ADARB2: variants seen among roughly 807,000 people sequenced by gnomAD.
ADARB2 encodes inactive double-stranded RNA-specific editase B2.
A neutral mutation model predicts 62.2 loss-of-function variants in ADARB2; 25 were observed. The ratio of observed to expected loss-of-function variants is 0.40; its 90% CI spans 0.29 to 0.56. The LOEUF (loss-of-function observed/expected upper bound fraction) is 0.56. Ranked by LOEUF, ADARB2 falls within the 20% of genes least tolerant of loss-of-function variation. The pLI, the probability that ADARB2 is intolerant of heterozygous loss-of-function variation, is 0.43. For synonymous variants in ADARB2, 572 were observed against 500.8 expected (o/e 1.14, Z -1.90); for missense variants, 1,071 against 1,077.4 (o/e 0.99, Z 0.08).
Position 1,328,272 on chromosome 10 carries a change from G to A in ADARB2, c.1077+34756C>T, listed in dbSNP as rs142190914. On this transcript the variant is annotated intron_variant, in intron 3 of 9. Transcript: ENST00000381312. ...AGGAGGGATTCTGGAACCCCTGACT[G>A]TAGTCAACGAAGGGCAGCATCCAGG... 9.7e-3 allele frequency among the ~76,000 whole-genome samples: 1,479 copies of A among 152,350 alleles called. 23 individuals carry two copies. The highest frequency in any genetic ancestry group is 0.011 in the Non-Finnish European group (733 of 68,042).
chr10:1,538,603 CT>C (rs1832364489), intron 1 of ADARB2, among the ~76,000 whole-genome samples: 1 of 152,198 alleles, frequency 6.6e-6, no homozygotes, highest in African/African-American at 2.4e-5. Flanking sequence ...CCACAGGGCA[CT>C]TGGAGGATGG....
At chr10:1,475,117 C>G (rs984515561) in intron 1 of ADARB2, among the ~76,000 whole-genome samples, 1 of 152,274 alleles carries the variant, frequency 6.6e-6, no homozygotes, top group South Asian at 2.1e-4. Context: ...AACGCGGCGT[C>G]GTCAAGCTCA....
chr10:1,719,440 C>T (rs1835060413), intron 1 of ADARB2, among the ~76,000 whole-genome samples: 1 of 152,186 alleles, frequency 6.6e-6, no homozygotes, highest in Admixed American at 6.5e-5. Context: ...TATATGATAT[C>T]TATAGAATAA....
intron 3 of ADARB2, among the ~76,000 whole-genome samples, chr10:1,341,007 C>A (rs1329899797): frequency 0.01 from 821 of 81,874 alleles, no homozygotes; most frequent in Middle Eastern, 0.044. Flanking sequence ...CCAGAGAACC[C>A]TGTGCCCCAC....
At chr10:1,700,270 C>G (rs1834804338) in intron 1 of ADARB2, among the ~76,000 whole-genome samples, 1 of 17,552 alleles carries the variant, frequency 5.7e-5, no homozygotes, top group African/African-American at 1.6e-4. Flanking sequence ...CAATCCCACT[C>G]CACCGGGAGA....
intron 1 of ADARB2, among the ~76,000 whole-genome samples, chr10:1,576,952 G>GGCTGGC (rs1309726003): frequency 3.3e-5 from 5 of 152,176 alleles, no homozygotes; most frequent in African/African-American, 1.2e-4. Flanking sequence ...CTGGGGCTGG[G>GGCTGGC]TGACAGCGGG....
rs560281636 is a variant in ADARB2 at position 1,178,634 on chromosome 10, G to A, written c.*4559C>T. On this transcript the variant is annotated 3_prime_UTR_variant, in exon 10 of 10. Coordinates refer to ENST00000381312, the MANE Select transcript of ADARB2 (RefSeq NM_018702.4). The stretch of plus-strand genomic sequence containing the variant: ...TACCAAAAGACCCTAAAATACCAGC[G>A]AGGCGGGGGGTGGTCTGTCCCTGCT... The A allele has an allele frequency of 3.9e-4, 60 of 152,354 alleles. No homozygotes were observed. Among genetic ancestry groups the A allele is most frequent in the African/African-American group, 1.0e-3 (43 of 41,552 alleles). The allele number at this position is 152,354 out of a possible 1,614,324, so 9.4% of individuals were successfully genotyped here. A position where few individuals can be genotyped will look rare whatever the true frequency, so the allele number is the denominator to read the frequency against.
rs566496136 is a variant in ADARB2 at position 1,229,186 on chromosome 10, A to C, written c.1513+4508T>G. 1.4e-4 allele frequency among the ~76,000 whole-genome samples: 21 copies of C among 152,358 alleles called. 1 individual carries two copies. The South Asian group carries it at 3.1e-3, about 23-fold the overall frequency. On this transcript the variant is annotated intron_variant, in intron 6 of 9. Coordinates refer to ENST00000381312, the MANE Select transcript of ADARB2 (RefSeq NM_018702.4). ...TCCAGGAATGGGGAATTTATGATCT[A>C]GACAAATGTTTTTGAGGGGAAAAAT... is the stretch of plus-strand genomic sequence containing the variant.
At chr10:1,639,054 A>T (rs990243471) in intron 1 of ADARB2, among the ~76,000 whole-genome samples, 2 of 152,232 alleles carry the variant, frequency 1.3e-5, no homozygotes, top group Non-Finnish European at 2.9e-5. Flanking sequence ...GTGTTTGTGC[A>T]GTCAGGGTGG....
At position 1,669,824 on chromosome 10, in the gene ADARB2, T is replaced by A. The variant is rs534310168; in HGVS notation, c.100+67227A>T. Among the ~76,000 whole-genome samples, 525 of 118,034 alleles carry A rather than the reference T, an allele frequency of 4.4e-3. 4 individuals carry two copies. The highest frequency in any genetic ancestry group is 0.016 in the African/African-American group (483 of 30,958). 77.4% of individuals were successfully genotyped at this position (118,034 alleles called of 152,430 possible). A position where few individuals can be genotyped will look rare whatever the true frequency, so the allele number is the denominator to read the frequency against. ...CAGAGACAAACACAGACACATAGAC[T>A]CACAGACACACAAACAGACACACTC... On this transcript the variant is annotated intron_variant, in intron 1 of 9. Coordinates refer to ENST00000381312, the MANE Select transcript of ADARB2 (RefSeq NM_018702.4).
At chr10:1,245,954 A>G (rs567664540) in intron 4 of ADARB2, among the ~76,000 whole-genome samples, 1 of 151,792 alleles carries the variant, frequency 6.6e-6, no homozygotes, top group Non-Finnish European at 1.5e-5. Context: ...AGTCACACCA[A>G]CAGGGTAAAA....
At chr10:1,351,404 G>C (rs1300120038) in intron 3 of ADARB2, among the ~76,000 whole-genome samples, 1 of 151,540 alleles carries the variant, frequency 6.6e-6, no homozygotes, top group African/African-American at 2.4e-5. Flanking sequence ...TGACGGCCAG[G>C]CTTCTAAACC....
At chr10:1,281,655 A>G (rs374724073) in intron 3 of ADARB2, among the ~76,000 whole-genome samples, 51 of 152,300 alleles carry the variant, frequency 3.3e-4, no homozygotes, top group African/African-American at 1.1e-3. Context: ...AGAGTGCCCC[A>G]GCATCCTGCC....
In ADARB2 at chr10:1,320,571, A is replaced by G. The variant is rs112369606; in HGVS notation, c.1077+42457T>C. On this transcript the variant is annotated intron_variant, in intron 3 of 9. Coordinates refer to ENST00000381312, the MANE Select transcript of ADARB2 (RefSeq NM_018702.4). ...ATGGTGTATCAGATAGTTCTTAGTC[A>G]TAATATATACAAATTTAACAACTAT... is the stretch of plus-strand genomic sequence containing the variant. Among the ~76,000 whole-genome samples, 24 of 152,360 alleles carry G rather than the reference A, an allele frequency of 1.6e-4. 1 individual carries two copies. Among genetic ancestry groups the G allele is most frequent in the African/African-American group, 4.6e-4 (19 of 41,594 alleles).
chr10:1,248,503 T>C (rs10794733), intron 4 of ADARB2, among the ~76,000 whole-genome samples: 56,502 of 151,966 alleles, frequency 0.37, 10,757 homozygotes, highest in South Asian at 0.52. Flanking sequence ...CCCAGGCGTG[T>C]AGGCTTCTGG....
intron 1 of ADARB2, among the ~76,000 whole-genome samples, chr10:1,655,658 A>G (rs907336048): frequency 6.6e-6 from 1 of 152,102 alleles, no homozygotes; most frequent in African/African-American, 2.4e-5. Flanking sequence ...AAACCACATT[A>G]GAAAAAGTGG....
chr10:1,278,278 G>A (rs991898454), intron 3 of ADARB2, among the ~76,000 whole-genome samples: 1 of 150,302 alleles, frequency 6.7e-6, no homozygotes, highest in South Asian at 2.1e-4. Context: ...ACCACACCCG[G>A]TCCTTTTTTT....
chr10:1,665,720 C>T (rs1389278693), intron 1 of ADARB2, among the ~76,000 whole-genome samples: 1 of 152,200 alleles, frequency 6.6e-6, no homozygotes, highest in East Asian at 1.9e-4. Flanking sequence ...TGGCACAGGC[C>T]GGGGTCCGGG....
At chr10:1,600,844 C>CA (rs1259394262) in intron 1 of ADARB2, among the ~76,000 whole-genome samples, 1 of 152,118 alleles carries the variant, frequency 6.6e-6, no homozygotes, top group Non-Finnish European at 1.5e-5. Context: ...GCCCCTGTTC[C>CA]ATGGTGATGC....
Sources: allele counts gnomAD v4.1 joint callset (sites outside exome capture counted in the v4.1 genomes callset), GRCh38; gene constraint gnomAD v4.1.1; transcripts MANE v1.5; gene names NCBI Gene and HGNC (gene_info 2026-07-23, HGNC 2026-07-21).